The following NRXN3 variants were observed in gnomAD, a reference collection of about 807,000 sequenced individuals.
NRXN3 encodes the protein neurexin III.
Under a neutral mutation model 137.6 loss-of-function variants are expected in NRXN3, and 32 were observed. The ratio of observed to expected loss-of-function variants is 0.23; its 90% CI spans 0.18 to 0.31. The LOEUF (loss-of-function observed/expected upper bound fraction) is 0.31, where lower values mean the gene tolerates loss of function less well. NRXN3 is among the 10% of genes least tolerant of loss of function. NRXN3 has a pLI of 1.00. For synonymous variants in NRXN3, 798 were observed against 784.5 expected (o/e 1.02, Z -0.29); for missense variants, 1,574 against 2,062.5 (o/e 0.76, Z 4.59).
chr14:79,080,608 TTA>T (rs1289706031), intron 15 of NRXN3, among the ~76,000 whole-genome samples: 2 of 152,210 alleles, frequency 1.3e-5, no homozygotes, highest in Non-Finnish European at 2.9e-5. Context: ...TCCTTTGTCG[TTA>T]TATGTTTCAG....
chr14:79,460,041 A>G (rs951012380), intron 15 of NRXN3, among the ~76,000 whole-genome samples: 1 of 152,094 alleles, frequency 6.6e-6, no homozygotes, highest in Non-Finnish European at 1.5e-5. Flanking sequence ...TGTGTTTCTG[A>G]AAATGTCATT....
chr14:78,658,311 C>T (rs766294145), intron 6 of NRXN3, among the ~76,000 whole-genome samples: 9 of 152,010 alleles, frequency 5.9e-5, no homozygotes, highest in African/African-American at 1.7e-4. Flanking sequence ...TTCTGAGCCT[C>T]GGTTTCTTCA....
At chr14:79,168,983 A>G (rs948684868) in intron 15 of NRXN3, among the ~76,000 whole-genome samples, 1 of 152,112 alleles carries the variant, frequency 6.6e-6, no homozygotes, top group East Asian at 1.9e-4. Context: ...AATATTGAAC[A>G]TAGCACATGA....
chr14:79,821,579 G>A (rs921116946), intron 20 of NRXN3, among the ~76,000 whole-genome samples: 67 of 151,264 alleles, frequency 4.4e-4, no homozygotes, highest in Admixed American at 4.4e-3. Context: ...GGCAGGATGT[G>A]CTCTCAGTAA....
chr14:79,200,772 CAGG>C (rs912883000), intron 15 of NRXN3, among the ~76,000 whole-genome samples: 13 of 150,958 alleles, frequency 8.6e-5, no homozygotes, highest in African/African-American at 3.2e-4. Flanking sequence ...ACTTGTTACC[CAGG>C]AGTTCTTTTT....
chr14:79,320,875 T>C (rs2089886479), intron 15 of NRXN3, among the ~76,000 whole-genome samples: 1 of 151,984 alleles, frequency 6.6e-6, no homozygotes, highest in Admixed American at 6.6e-5. Context: ...TTTCTTGTGC[T>C]AGTTTCCCAG....
intron 10 of NRXN3, among the ~76,000 whole-genome samples, chr14:78,855,363 G>A: frequency 6.6e-6 from 1 of 152,102 alleles, no homozygotes; most frequent in Admixed American, 6.6e-5. Flanking sequence ...GCCTGCTGAG[G>A]GTTGGTTAAT....
intron 10 of NRXN3, among the ~76,000 whole-genome samples, chr14:78,856,771 T>C (rs1168328015): frequency 6.6e-6 from 1 of 152,216 alleles, no homozygotes; most frequent in Non-Finnish European, 1.5e-5. Flanking sequence ...AGTCATTCTG[T>C]TGCCCAGGCC....
At chr14:79,171,321 A>T (rs2061757510) in intron 15 of NRXN3, among the ~76,000 whole-genome samples, 1 of 152,054 alleles carries the variant, frequency 6.6e-6, no homozygotes, top group African/African-American at 2.4e-5. Context: ...CTTAATTTGG[A>T]ATAGGGGGAA....
At chr14:78,644,301 C>T (rs141608917) in intron 4 of NRXN3, among the ~76,000 whole-genome samples, 1 of 152,096 alleles carries the variant, frequency 6.6e-6, no homozygotes, top group East Asian at 1.9e-4. Context: ...ATATGGGCTC[C>T]AGTAGAATGC....
chr14:79,798,767 G>A (rs2140443117), intron 19 of NRXN3, among the ~76,000 whole-genome samples: 1 of 152,306 alleles, frequency 6.6e-6, no homozygotes, highest in East Asian at 1.9e-4. Flanking sequence ...AGGGGACAGA[G>A]TGAAACGGTC....
chr14:78,473,441 A>T lies in NRXN3; in HGVS notation c.758-171679A>T, dbSNP rs1367648987. The stretch of plus-strand genomic sequence containing the variant: ...AAATGAAAAACCTTTCTTTTGTGAA[A>T]CTTCTTTTTAATGGACTAAATTAAA... On this transcript the variant is annotated intron_variant, in intron 4 of 20. Transcript: ENST00000335750. 2.0e-5 allele frequency among the ~76,000 whole-genome samples: 3 copies of T among 152,048 alleles called. No homozygotes were observed. In the East Asian group the frequency reaches 5.8e-4, roughly 29 times the overall value.
At chr14:79,066,211 A>G (rs1254081840) in intron 15 of NRXN3, among the ~76,000 whole-genome samples, 1 of 152,178 alleles carries the variant, frequency 6.6e-6, no homozygotes, top group Non-Finnish European at 1.5e-5. Context: ...GCATATGGCT[A>G]GCTAGTTCTC....
At chr14:78,173,228 C>A (rs1038862052) in intron 1 of NRXN3, among the ~76,000 whole-genome samples, 3 of 151,932 alleles carry the variant, frequency 2.0e-5, no homozygotes, top group African/African-American at 4.8e-5. Flanking sequence ...TCTGCACCCC[C>A]CTTTCTCTCG....
chr14:79,403,295 T>C (rs1367312251), intron 15 of NRXN3, among the ~76,000 whole-genome samples: 1 of 152,136 alleles, frequency 6.6e-6, no homozygotes, highest in Non-Finnish European at 1.5e-5. Flanking sequence ...GATGAGGACA[T>C]GCCTTTCCCA....
intron 8 of NRXN3, among the ~76,000 whole-genome samples, chr14:78,759,546 C>T (rs558931842): frequency 1.4e-4 from 22 of 152,238 alleles, no homozygotes; most frequent in African/African-American, 5.3e-4. Context: ...TCATTTGTGT[C>T]ACACATCACT....
chr14:78,981,890 AG>A (rs1177806809), intron 14 of NRXN3, among the ~76,000 whole-genome samples: 2 of 152,216 alleles, frequency 1.3e-5, no homozygotes, highest in African/African-American at 4.8e-5. Context: ...GGCTCTGTTT[AG>A]GAAAGGATGT....
chr14:79,813,603 C>G (rs546473675), intron 20 of NRXN3, among the ~76,000 whole-genome samples: 4 of 152,218 alleles, frequency 2.6e-5, no homozygotes, highest in Non-Finnish European at 2.9e-5. Context: ...AAATTCCTCC[C>G]CTTTCAGCAT....
intron 15 of NRXN3, among the ~76,000 whole-genome samples, chr14:79,148,791 G>A (rs2059538335): frequency 6.6e-6 from 1 of 151,970 alleles, no homozygotes. Flanking sequence ...ATAACCCCTG[G>A]ACTGCCTTAC....
Sources: gnomAD v4.1 joint callset for allele counts (sites outside exome capture counted in the v4.1 genomes callset) on GRCh38, gnomAD v4.1.1 for gene constraint, MANE v1.5 for transcripts, NCBI Gene and HGNC (gene_info 2026-07-23, HGNC 2026-07-21) for gene names.